Variants in PCDHGB3 observed in about 807,000 individuals in gnomAD.
PCDHGB3 encodes protocadherin gamma subfamily B, 3, also known as protocadherin gamma-B3.
A neutral mutation model predicts 59.2 loss-of-function variants in PCDHGB3; 40 were observed. That is an observed-to-expected ratio of 0.68 (90% confidence interval 0.52 to 0.88). The LOEUF (loss-of-function observed/expected upper bound fraction) is 0.88. PCDHGB3 is among the 40% of genes least tolerant of loss of function. PCDHGB3 has a pLI of 0.00. For synonymous variants in PCDHGB3, 581 were observed against 503.6 expected (o/e 1.15, Z -2.06); for missense variants, 1,309 against 1,187.9 (o/e 1.10, Z -1.50).
rs987203685 is a variant in PCDHGB3 at position 141,403,829 on chromosome 5, C to A, written c.2415+31020C>A. ...TAATGAAAAACAATCTCTGCTATTC[C>A]AGCTTAATGAAAATACTGGGGAAAT... is the stretch of plus-strand genomic sequence containing the variant. On this transcript the variant is annotated intron_variant, in intron 1 of 3. Transcript: ENST00000576222. 1.2e-6 allele frequency: 2 copies of A among 1,613,602 alleles called. No homozygotes were observed. The highest frequency in any genetic ancestry group is 2.2e-5 in the East Asian group (1 of 44,884).
intron 1 of PCDHGB3, chr5:141,395,341 G>T: frequency 7.1e-7 from 1 of 1,409,696 alleles, no homozygotes; most frequent in Non-Finnish European, 9.4e-7. Flanking sequence ...AATTTTTAAG[G>T]TGTATCACAG....
At chr5:141,398,568 G>A (rs761294182) in intron 1 of PCDHGB3, 5 of 1,614,014 alleles carry the variant, frequency 3.1e-6, no homozygotes, top group African/African-American at 1.3e-5. Flanking sequence ...AGTCTGCACA[G>A]CCTGGCACAA....
chr5:141,412,040 G>A (rs1046669003), intron 1 of PCDHGB3: 1 of 152,230 alleles, frequency 6.6e-6, no homozygotes, highest in African/African-American at 2.4e-5. Flanking sequence ...TGTGAAAGAA[G>A]TGAACTTCTA....
intron 1 of PCDHGB3, chr5:141,426,294 CAG>C (rs555591649): frequency 1.2e-4 from 20 of 167,070 alleles, no homozygotes; most frequent in African/African-American, 4.5e-4. Context: ...GGATGGGAAA[CAG>C]GGTGAAGCAG....
chr5:141,375,552 C>T, intron 1 of PCDHGB3: 1 of 1,614,058 alleles, frequency 6.2e-7, no homozygotes. Flanking sequence ...GTCTCCTACT[C>T]ACTGGCAGAA....
chr5:141,449,537 C>T (rs1377909573), intron 1 of PCDHGB3, among the ~76,000 whole-genome samples: 1 of 146,330 alleles, frequency 6.8e-6, no homozygotes, highest in Non-Finnish European at 1.5e-5. Flanking sequence ...TGCAGTGAGC[C>T]GAGATCGCAC....
chr5:141,395,016 G>GTGCC (rs1354536790), intron 1 of PCDHGB3: 2 of 1,613,950 alleles, frequency 1.2e-6, no homozygotes, highest in Non-Finnish European at 1.7e-6. Flanking sequence ...ATTGGTAGGC[G>GTGCC]TGCCTGCCTC....
intron 1 of PCDHGB3, chr5:141,414,713 C>T: frequency 6.2e-7 from 1 of 1,614,126 alleles, no homozygotes; most frequent in Admixed American, 1.7e-5. Context: ...TCCATCAACT[C>T]AGACACTGGC....
chr5:141,407,047 T>C (rs75652968), intron 1 of PCDHGB3, among the ~76,000 whole-genome samples: 6,428 of 152,316 alleles, frequency 0.042, 220 homozygotes, highest in African/African-American at 0.092. Flanking sequence ...GATCCATAGA[T>C]ACACTGATGA....
chr5:141,440,056 G>A, intron 1 of PCDHGB3: 1 of 152,648 alleles, frequency 6.6e-6, no homozygotes, highest in East Asian at 1.9e-4. Flanking sequence ...GAAAGCTTCG[G>A]GTTAATGCTG....
Position 141,372,078 on chromosome 5 carries a change from G to C in PCDHGB3, c.1684G>C (p.Val562Leu). The C allele has an allele frequency of 6.2e-7, 1 of 1,613,738 alleles. No individual in the cohort carries two copies. ...CGACCGCAACGACAATGCACCGCTG[G>C]TGCTGTACCCAGCTCTGGGGCCCGA... Reference protein sequence around the residue: ...VDDRNDNAPLVLYPALGPEGS... With the variant: ...VDDRNDNAPLLLYPALGPEGS... Residue 562 changes from valine to leucine, a missense_variant, in exon 1 of 4, where the codon GTG becomes CTG. Val to Leu is a conservative substitution (Grantham distance 32, BLOSUM62 1). Transcript: ENST00000576222.
chr5:141,403,620 C>T (rs1561689160), intron 1 of PCDHGB3: 1 of 1,613,916 alleles, frequency 6.2e-7, no homozygotes, highest in Non-Finnish European at 8.5e-7. Context: ...CCGCGTCGCT[C>T]CAGCACAGTG....
chr5:141,472,164 G>C (rs2099273083), intron 1 of PCDHGB3, among the ~76,000 whole-genome samples: 1 of 152,158 alleles, frequency 6.6e-6, no homozygotes, highest in Non-Finnish European at 1.5e-5. Flanking sequence ...TAGCTACTAG[G>C]TGTAATATCC....
chr5:141,379,410 A>T (rs1314256524), intron 1 of PCDHGB3: 1 of 152,226 alleles, frequency 6.6e-6, no homozygotes, highest in African/African-American at 2.4e-5. Context: ...CTTGGATATT[A>T]GTCTCATGAG....
At chr5:141,373,722 C>T (rs1260568332) in intron 1 of PCDHGB3, among the ~76,000 whole-genome samples, 1 of 152,202 alleles carries the variant, frequency 6.6e-6, no homozygotes, top group Non-Finnish European at 1.5e-5. Flanking sequence ...CTCTTACACT[C>T]TTCTAAATGC....
At chr5:141,410,481 G>A in intron 1 of PCDHGB3, 2 of 1,613,966 alleles carry the variant, frequency 1.2e-6, no homozygotes, top group Non-Finnish European at 1.7e-6. Context: ...GCACATACGG[G>A]TACAAAAGAG....
chr5:141,382,569 T>G (rs72790022), intron 1 of PCDHGB3, among the ~76,000 whole-genome samples: 9,817 of 152,272 alleles, frequency 0.064, 368 homozygotes, highest in African/African-American at 0.1. Flanking sequence ...CAAAGAAATC[T>G]AACAGGGAAA....
At chr5:141,385,603 T>G (rs968822799) in intron 1 of PCDHGB3, 19 of 1,190,040 alleles carry the variant, frequency 1.6e-5, no homozygotes, top group Non-Finnish European at 2.0e-5. Flanking sequence ...CTTTCTTAAC[T>G]CATATATTTT....
At chr5:141,455,740 G>C (rs2098830344) in intron 1 of PCDHGB3, among the ~76,000 whole-genome samples, 1 of 152,136 alleles carries the variant, frequency 6.6e-6, no homozygotes, top group Non-Finnish European at 1.5e-5. Context: ...GCATATCAAA[G>C]GTTGCTGGCC....
Sources: allele counts gnomAD v4.1 joint callset (sites outside exome capture counted in the v4.1 genomes callset), GRCh38; gene constraint gnomAD v4.1.1; transcripts MANE v1.5; gene names NCBI Gene and HGNC (gene_info 2026-07-23, HGNC 2026-07-21).